The following TCF7L2 variants were observed in gnomAD, a reference collection of about 807,000 sequenced individuals.
The protein encoded by TCF7L2 is transcription factor 7-like 2.
A neutral mutation model predicts 77.9 loss-of-function variants in TCF7L2; 23 were observed. That is an observed-to-expected ratio of 0.30 (90% CI 0.21 to 0.42). The LOEUF is 0.42. Among genes scored for constraint, TCF7L2 ranks in the 10% least tolerant of loss-of-function variants. TCF7L2 has a pLI of 1.00. For synonymous variants in TCF7L2, 413 were observed against 340.2 expected, an observed-to-expected ratio of 1.21 and a Z score of -2.36; for missense variants, 654 against 793.1, an observed-to-expected ratio of 0.82 and a Z score of 2.11.
chr10:112,993,438 A>G (rs912357268), intron 4 of TCF7L2, among the ~76,000 whole-genome samples: 18 of 151,354 alleles, frequency 1.2e-4, no homozygotes, highest in African/African-American at 4.1e-4. Flanking sequence ...CCCAGGAGGT[A>G]GAAGTTGCAG....
chr10:113,095,350 C>T (rs528712749), intron 5 of TCF7L2, among the ~76,000 whole-genome samples: 1 of 152,316 alleles, frequency 6.6e-6, no homozygotes, highest in East Asian at 1.9e-4. Context: ...CCAGTTCATG[C>T]TCACTGGGTA....
intron 12 of TCF7L2, among the ~76,000 whole-genome samples, chr10:113,159,710 CTT>C (rs60224964): frequency 7.0e-6 from 1 of 142,318 alleles, no homozygotes. Flanking sequence ...GTGACTTTTA[CTT>C]TTTTTTTTTT....
intron 4 of TCF7L2, among the ~76,000 whole-genome samples, chr10:112,982,811 G>A (rs935449225): frequency 6.6e-6 from 1 of 152,074 alleles, no homozygotes; most frequent in African/African-American, 2.4e-5. Context: ...TTTTAGTAGA[G>A]ACAGGGTTTT....
chr10:113,092,920 T>A (rs1230043825), intron 5 of TCF7L2, among the ~76,000 whole-genome samples: 1 of 152,028 alleles, frequency 6.6e-6, no homozygotes, highest in Non-Finnish European at 1.5e-5. Context: ...AAAATCCGGA[T>A]CCCACAGCAT....
intron 4 of TCF7L2, among the ~76,000 whole-genome samples, chr10:112,983,612 G>A (rs2040918100): frequency 6.6e-6 from 1 of 152,112 alleles, no homozygotes; most frequent in Admixed American, 6.6e-5. Context: ...GGCCTCTGTG[G>A]TCAGGCTATT....
chr10:113,088,628 G>C (rs2060070601), intron 5 of TCF7L2, among the ~76,000 whole-genome samples: 1 of 152,162 alleles, frequency 6.6e-6, no homozygotes, highest in African/African-American at 2.4e-5. Flanking sequence ...TCAAAAGACT[G>C]TCGCCTGGCA....
At chr10:113,133,990 A>T (rs991588238) in intron 5 of TCF7L2, among the ~76,000 whole-genome samples, 1 of 152,214 alleles carries the variant, frequency 6.6e-6, no homozygotes, top group African/African-American at 2.4e-5. Flanking sequence ...TCTCACAGGC[A>T]GATCTCTTTT....
intron 5 of TCF7L2, among the ~76,000 whole-genome samples, chr10:113,080,770 A>C (rs1036758624): frequency 3.3e-5 from 5 of 152,218 alleles, no homozygotes; most frequent in African/African-American, 1.2e-4. Flanking sequence ...TTTCTCATAA[A>C]TTAGCCCTCG....
chr10:112,994,334 T>C (rs2043105378), intron 4 of TCF7L2, among the ~76,000 whole-genome samples: 1 of 152,250 alleles, frequency 6.6e-6, no homozygotes, highest in African/African-American at 2.4e-5. Flanking sequence ...ATCTATGGGC[T>C]TTTGTGTCTG....
chr10:113,103,830 G>C (rs995167535), intron 5 of TCF7L2, among the ~76,000 whole-genome samples: 1 of 152,178 alleles, frequency 6.6e-6, no homozygotes, highest in African/African-American at 2.4e-5. Flanking sequence ...GGAGAAGCAA[G>C]CCTTAGCACA....
At chr10:113,008,666 T>G (rs2045970598) in intron 4 of TCF7L2, among the ~76,000 whole-genome samples, 1 of 152,230 alleles carries the variant, frequency 6.6e-6, no homozygotes, top group Non-Finnish European at 1.5e-5. Context: ...CTTATTTATT[T>G]ATTTTTTAAT....
chr10:113,151,695 T>C lies in TCF7L2; in HGVS notation c.1002-30T>C. 6.4e-7 allele frequency: 1 copy of C among 1,560,026 alleles called. No homozygotes were observed. Among genetic ancestry groups the C allele is most frequent in the Non-Finnish European group, 8.6e-7 (1 of 1,160,962 alleles). ...GGAAGTTGGACCACGACCTTGTTTA[T>C]TGGGTTGCGTCTGTTTTGTCTATCT... is the stretch of plus-strand genomic sequence containing the variant. On this transcript the variant is annotated intron_variant, in intron 9 of 13. Coordinates refer to ENST00000627217, the MANE Select transcript of TCF7L2 (RefSeq NM_001146274.2). The surrounding 1 kb of genome is among the most constrained non-coding windows in gnomAD (Gnocchi z 5.2).
rs773530340 is a variant in TCF7L2, at chr10:113,165,638, C to T, written c.1475C>T (p.Ser492Leu). Residue 492 changes from serine (S) to leucine (L), a missense_variant, in exon 14 of 14, where the codon TCG becomes TTG. Transcript: ENST00000627217. ...TCTTCAGATGGAAGCTTACTAGATT[C>T]GCCTCCCCCCTCCCCGAACCTGCTA... The T allele has an allele frequency of 1.5e-5, 24 of 1,613,198 alleles. No individual in the cohort carries two copies. The highest frequency in any genetic ancestry group is 8.3e-5 in the Admixed American group (5 of 59,884).
At chr10:113,120,707 C>T (rs1044143465) in intron 5 of TCF7L2, among the ~76,000 whole-genome samples, 1 of 152,130 alleles carries the variant, frequency 6.6e-6, no homozygotes, top group African/African-American at 2.4e-5. Context: ...AACAAACTAA[C>T]AGCACCAGTG....
chr10:113,034,488 C>T (rs1048085029), intron 4 of TCF7L2, among the ~76,000 whole-genome samples: 2 of 152,022 alleles, frequency 1.3e-5, no homozygotes, highest in Admixed American at 6.6e-5. Flanking sequence ...CAGCTTTGGG[C>T]GCATAAGCAG....
chr10:113,045,071 G>A (rs959955912), intron 5 of TCF7L2, among the ~76,000 whole-genome samples: 5 of 152,146 alleles, frequency 3.3e-5, no homozygotes, highest in Admixed American at 6.5e-5. Context: ...CACTGAGTGG[G>A]GAGTATTGGA....
intron 5 of TCF7L2, chr10:113,126,507 C>G: frequency 2.1e-6 from 2 of 962,712 alleles, no homozygotes; most frequent in Non-Finnish European, 2.5e-6. Context: ...AGGCTTTGTT[C>G]TTTTGATTGA....
In TCF7L2 at chr10:113,126,222, C is replaced by CAA. The variant is rs747026030; in HGVS notation, c.553-14955_553-14954dup. 9.6e-4 allele frequency: 145 copies of CAA among 151,152 alleles called. 3 individuals carry two copies. The South Asian group carries it at 0.03, about 31-fold the overall frequency. The allele number at this position is 151,152 out of a possible 1,614,324, so 9.4% of individuals were successfully genotyped here. ...ATTGGTTTTTGTATCCCCCCACCTC[C>CAA]AAAAAAAAGAATTCAGCAAGATAAT... On this transcript the variant is annotated intron_variant, in intron 5 of 13. Transcript: ENST00000627217.
At chr10:113,117,599 A>C (rs1018372439) in intron 5 of TCF7L2, among the ~76,000 whole-genome samples, 2 of 152,242 alleles carry the variant, frequency 1.3e-5, no homozygotes, top group African/African-American at 4.8e-5. Flanking sequence ...ATTTAAGGAA[A>C]AAAAGAATGA....
Sources: allele counts gnomAD v4.1 joint callset (sites outside exome capture counted in the v4.1 genomes callset), GRCh38; gene constraint gnomAD v4.1.1; non-coding constraint Gnocchi (gnomAD v3.1); transcripts MANE v1.5; gene names NCBI Gene and HGNC (gene_info 2026-07-23, HGNC 2026-07-21).